The following FBXL13 variants were observed in gnomAD, a reference collection of about 807,000 sequenced individuals.
FBXL13 encodes F-box and leucine-rich repeat protein 13.
A neutral mutation model predicts 83.6 loss-of-function variants in FBXL13; 67 were observed. That is an observed-to-expected ratio of 0.80 (90% confidence interval 0.66 to 0.98). The LOEUF (loss-of-function observed/expected upper bound fraction) is 0.98, where lower values mean the gene tolerates loss of function less well. Ranked by LOEUF, FBXL13 falls within the 50% of genes least tolerant of loss-of-function variation. The pLI, the probability that FBXL13 is intolerant of heterozygous loss-of-function variation, is 0.00. For synonymous variants in FBXL13, 272 were observed against 299.5 expected, an observed-to-expected ratio of 0.91 and a Z score of 0.95; for missense variants, 822 against 866.5, an observed-to-expected ratio of 0.95 and a Z score of 0.64.
chr7:102,922,427 T>C (rs1480398265), intron 10 of FBXL13, among the ~76,000 whole-genome samples: 1 of 152,096 alleles, frequency 6.6e-6, no homozygotes, highest in Non-Finnish European at 1.5e-5. Context: ...TAATTATTGG[T>C]TTACTGATAA....
rs187209547 is a variant in FBXL13, at chr7:102,970,828, C to T, written c.496-2711G>A. Among the ~76,000 whole-genome samples, 39 of 152,200 alleles carry T rather than the reference C, an allele frequency of 2.6e-4. 2 individuals carry two copies. The East Asian group carries it at 7.3e-3, about 29-fold the overall frequency. On this transcript the variant is annotated intron_variant, in intron 6 of 19. Transcript: ENST00000313221. Reference sequence around the variant, plus strand: ...AAAACTCAGTGGGTGAGTTAAATAGCAGATGCGACTCAGCTAAGAAGAGAA... The same window carrying T: ...AAAACTCAGTGGGTGAGTTAAATAGTAGATGCGACTCAGCTAAGAAGAGAA...
chr7:102,819,456 C>T (rs1160128372), intron 19 of FBXL13, among the ~76,000 whole-genome samples: 2 of 152,106 alleles, frequency 1.3e-5, no homozygotes, highest in Non-Finnish European at 2.9e-5. Flanking sequence ...CAAAAGTTTG[C>T]TACTCCTCTG....
chr7:103,029,437 TG>T lies in FBXL13; in HGVS notation c.1-20del. The T allele has an allele frequency of 1.5e-6, 2 of 1,352,136 alleles. No individual in the cohort carries two copies. Among genetic ancestry groups the T allele is most frequent in the Non-Finnish European group, 2.0e-6 (2 of 994,068 alleles). The allele number at this position is 1,352,136 out of a possible 1,614,324, so 83.8% of individuals were successfully genotyped here. ...GAGTCATCTAAAGTAAATAAATAAT[TG>T]AAATAACAAATATTAGAAATAAATG... On this transcript the variant is annotated intron_variant, in intron 2 of 19. Coordinates refer to ENST00000313221, the Ensembl canonical transcript of FBXL13.
intron 16 of FBXL13, chr7:102,874,305 T>TA: frequency 2.0e-6 from 2 of 984,522 alleles, no homozygotes; most frequent in Non-Finnish European, 2.4e-6. Flanking sequence ...TGACTCATTT[T>TA]AACTTCACTG....
intron 17 of FBXL13, among the ~76,000 whole-genome samples, chr7:102,853,698 A>T (rs1027529040): frequency 4.6e-5 from 7 of 152,330 alleles, no homozygotes; most frequent in Non-Finnish European, 1.0e-4. Context: ...ACCCCATCAA[A>T]AAGTGGGCAA....
At chr7:103,059,792 A>G (rs1318240200) in intron 1 of FBXL13, among the ~76,000 whole-genome samples, 4 of 151,806 alleles carry the variant, frequency 2.6e-5, no homozygotes, top group Non-Finnish European at 5.9e-5. Flanking sequence ...CCTGCTACCT[A>G]TCTTTCAAAG....
intron 6 of FBXL13, among the ~76,000 whole-genome samples, chr7:102,995,587 G>A (rs1048944671): frequency 6.0e-5 from 9 of 150,754 alleles, no homozygotes; most frequent in African/African-American, 2.2e-4. Context: ...AAGAAATTGA[G>A]ACCAACCTGG....
chr7:102,893,304 T>C (rs886593796), intron 11 of FBXL13, among the ~76,000 whole-genome samples: 13 of 152,350 alleles, frequency 8.5e-5, no homozygotes, highest in Admixed American at 2.6e-4. Flanking sequence ...TCTTGTCTAG[T>C]TACCATTTAG....
chr7:103,003,595 G>A (rs1463345230), intron 6 of FBXL13, among the ~76,000 whole-genome samples: 1 of 144,972 alleles, frequency 6.9e-6, no homozygotes, highest in African/African-American at 2.6e-5. Flanking sequence ...ATTTTTGTTT[G>A]TTTTGAGACA....
intron 6 of FBXL13, among the ~76,000 whole-genome samples, chr7:102,986,949 A>T (rs1273308795): frequency 3.9e-5 from 6 of 152,060 alleles, no homozygotes; most frequent in Non-Finnish European, 8.8e-5. Context: ...ACATATACAC[A>T]TACATACACA....
chr7:102,888,725 TTTTG>T (rs996942040), intron 11 of FBXL13, among the ~76,000 whole-genome samples: 1 of 152,074 alleles, frequency 6.6e-6, no homozygotes, highest in African/African-American at 2.4e-5. Context: ...TTTTGTTTGT[TTTTG>T]TTTTTTTTTG....
intron 2 of FBXL13, among the ~76,000 whole-genome samples, chr7:103,051,310 C>T (rs961175539): frequency 6.6e-6 from 1 of 152,186 alleles, no homozygotes; most frequent in African/African-American, 2.4e-5. Flanking sequence ...GTGTAAGAGA[C>T]CTCTAACTGG....
chr7:102,857,514 A>C (rs1584655490), intron 16 of FBXL13: 1 of 154,848 alleles, frequency 6.5e-6, no homozygotes, highest in Admixed American at 6.5e-5. Flanking sequence ...GATTCGGCTG[A>C]TCTGGCTGGC....
chr7:102,877,625 T>C, intron 15 of FBXL13, 32 bp from the exon 17 acceptor site: 1 of 1,591,524 alleles, frequency 6.3e-7, no homozygotes, highest in Non-Finnish European at 8.5e-7. Context: ...TAATTTTAGC[T>C]GTCAATCATA....
chr7:102,828,931 C>T (rs1274321123), intron 18 of FBXL13, among the ~76,000 whole-genome samples: 2 of 152,182 alleles, frequency 1.3e-5, no homozygotes, highest in African/African-American at 2.4e-5. Context: ...ACCCAGTTCT[C>T]TCCCTTTTGT....
At chr7:102,899,386 C>T (rs1812686288) in intron 11 of FBXL13, among the ~76,000 whole-genome samples, 1 of 152,204 alleles carries the variant, frequency 6.6e-6, no homozygotes, top group Non-Finnish European at 1.5e-5. Flanking sequence ...TATCATCTCT[C>T]TTCAAACATA....
chr7:102,827,518 T>TATACCTCAAATAATAATGTTTTAACTTG, intron 18 of FBXL13, among the ~76,000 whole-genome samples: 1 of 152,196 alleles, frequency 6.6e-6, no homozygotes, highest in African/African-American at 2.4e-5. Context: ...TGGTAAAATA[T>TATACCTCAAATAATAATGTTTTAACTTG]GACCCATTGA....
chr7:102,948,875 C>T (rs12669697), intron 8 of FBXL13, among the ~76,000 whole-genome samples: 4 of 152,044 alleles, frequency 2.6e-5, no homozygotes, highest in African/African-American at 9.7e-5. Context: ...CCATACCTGG[C>T]TAATTTTTGT....
intron 6 of FBXL13, among the ~76,000 whole-genome samples, chr7:103,017,612 T>C (rs922841671): frequency 6.1e-4 from 93 of 152,182 alleles, no homozygotes; most frequent in Middle Eastern, 3.4e-3. Context: ...GAATAACTAG[T>C]GTAGAGAAGT....
Sources: allele counts gnomAD v4.1 joint callset (sites outside exome capture counted in the v4.1 genomes callset), GRCh38; gene constraint gnomAD v4.1.1; transcripts MANE v1.5; gene names NCBI Gene and HGNC (gene_info 2026-07-23, HGNC 2026-07-21).